Variants in ACOT11 observed in about 807,000 individuals in gnomAD.
The protein encoded by ACOT11 is acyl-CoA thioesterase 11.
In ACOT11, 69 loss-of-function variants were observed where a neutral mutation model predicts 77.5. The observed-to-expected ratio is 0.89, with a 90% CI of 0.73 to 1.09. The LOEUF is 1.09. ACOT11 is among the 50% of genes least tolerant of loss of function. The probability of loss-of-function intolerance (pLI) is 0.00; values close to 1 mark genes in which losing one functional copy is unlikely to be tolerated. For missense variants in ACOT11, 766 were observed against 813.7 expected, an observed-to-expected ratio of 0.94 and a Z score of 0.71; for synonymous variants, 279 against 313.0, an observed-to-expected ratio of 0.89 and a Z score of 1.15.
intron 1 of ACOT11, among the ~76,000 whole-genome samples, chr1:54,583,938 C>CG (rs1421316941): frequency 2.6e-5 from 4 of 152,120 alleles, no homozygotes; most frequent in African/African-American, 7.2e-5. Flanking sequence ...GACTGATGGG[C>CG]ACACCCCACC....
At chr1:54,599,581 C>CAAGAAGGGAAA in intron 8 of ACOT11, 166 bp downstream of exon 8, 1 of 849,716 alleles carries the variant, frequency 1.2e-6, no homozygotes, top group Non-Finnish European at 1.6e-6. Context: ...CTGATTTTCC[C>CAAGAAGGGAAA]TTCTTGGGAG....
In ACOT11 at chr1:54,609,251, C is replaced by G. The variant is rs201744943; in HGVS notation, c.*139C>G. 5.0e-6 allele frequency: 8 copies of G among 1,595,316 alleles called. No individual in the cohort carries two copies. The African/African-American group carries it at 8.1e-5, about 16-fold the overall frequency. Reference sequence around the variant, plus strand: ...AGCCTCCGCCCTGAGGTCCGCTGGCCCACCACCCCTGGGTGCTCAGTTTCT... The same window carrying G: ...AGCCTCCGCCCTGAGGTCCGCTGGCGCACCACCCCTGGGTGCTCAGTTTCT... On this transcript the variant is annotated 3_prime_UTR_variant, in exon 16 of 16. Coordinates refer to ENST00000343744, the MANE Select transcript of ACOT11 (RefSeq NM_147161.4).
chr1:54,575,566 G>A (rs551350484), intron 1 of ACOT11, among the ~76,000 whole-genome samples: 7 of 146,284 alleles, frequency 4.8e-5, no homozygotes, highest in South Asian at 2.1e-4. Flanking sequence ...AATTCGGAAC[G>A]CACTGAAAAA....
Position 54,609,354 on chromosome 1 carries a change from C to G in ACOT11, c.*242C>G. 6.2e-7 allele frequency: 1 copy of G among 1,614,184 alleles called. No individual in the cohort carries two copies. Among genetic ancestry groups the G allele is most frequent in the Non-Finnish European group, 8.5e-7 (1 of 1,180,034 alleles). On this transcript the variant is annotated 3_prime_UTR_variant, in exon 16 of 16. Coordinates refer to ENST00000343744, the MANE Select transcript of ACOT11 (RefSeq NM_147161.4). Reference sequence around the variant, plus strand: ...ACTCGGGTCCTGTCCACAGCCCTAGCTGCCAGCAATGCTGTCCTCACAGAG... The same window carrying G: ...ACTCGGGTCCTGTCCACAGCCCTAGGTGCCAGCAATGCTGTCCTCACAGAG...
intron 15 of ACOT11, among the ~76,000 whole-genome samples, chr1:54,618,667 C>T (rs955300718): frequency 1.3e-5 from 2 of 152,084 alleles, no homozygotes; most frequent in Middle Eastern, 3.2e-3. Flanking sequence ...AGCCCTGGTC[C>T]TCAGGAAGCC....
chr1:54,610,667 A>G (rs927224078), downstream of ACOT11: 7 of 1,467,802 alleles, frequency 4.8e-6, no homozygotes, highest in African/African-American at 1.4e-5. Flanking sequence ...TAAGCCTCAT[A>G]GCACCCTGCC....
intron 1 of ACOT11, among the ~76,000 whole-genome samples, chr1:54,579,292 G>A (rs1366417797): frequency 2.0e-5 from 3 of 152,068 alleles, no homozygotes; most frequent in Non-Finnish European, 4.4e-5. Flanking sequence ...GGCAGCATCT[G>A]GATTCCTAAC....
chr1:54,572,915 A>T (rs1653974726), intron 1 of ACOT11: 16 of 985,204 alleles, frequency 1.6e-5, no homozygotes, highest in Non-Finnish European at 1.8e-5. Context: ...GTTTCCTCCC[A>T]CTCTGAGAGC....
intron 16 of ACOT11, among the ~76,000 whole-genome samples, chr1:54,633,779 A>T (rs942026780): frequency 6.6e-6 from 1 of 152,250 alleles, no homozygotes; most frequent in South Asian, 2.1e-4. Context: ...CTATGCCAGG[A>T]GTAATCTGTT....
In ACOT11 at chr1:54,616,118, T is replaced by C. The variant is rs199649539; in HGVS notation, c.1629+8050T>C. 2.0e-5 allele frequency: 33 copies of C among 1,614,200 alleles called. No individual in the cohort carries two copies. In the African/African-American group the frequency reaches 3.5e-4, roughly 17 times the overall value. ...TGCCATGATGGGAACTCCTGTCTCA[T>C]TGGCTGTGCCGAGCCCTTCTACATT... On this transcript the variant is annotated intron_variant, in intron 15 of 16. Coordinates refer to the ACOT11 transcript ENST00000371316.
At chr1:54,601,647 GT>G (rs1439771621) in intron 9 of ACOT11, among the ~76,000 whole-genome samples, 1 of 152,240 alleles carries the variant, frequency 6.6e-6, no homozygotes, top group Non-Finnish European at 1.5e-5. Context: ...CTGGCTCGGA[GT>G]TGGGGGTTAA....
rs568473867 is a variant in ACOT11, at chr1:54,566,793, G to A, written c.34-17862G>A. Among the ~76,000 whole-genome samples the A allele has an allele frequency of 4.6e-5, 7 of 152,290 alleles. No homozygotes were observed. The South Asian group carries it at 1.0e-3, about 23-fold the overall frequency. Reference sequence around the variant, plus strand: ...TGGGACTGTCATTTGGAGCACCCACGTGTGGCCTCTTCAATATGACAGTCT... The same window carrying A: ...TGGGACTGTCATTTGGAGCACCCACATGTGGCCTCTTCAATATGACAGTCT... On this transcript the variant is annotated intron_variant, in intron 1 of 15. Coordinates refer to ENST00000343744, the MANE Select transcript of ACOT11 (RefSeq NM_147161.4).
downstream of ACOT11, chr1:54,611,102 TGTTTCTCTATAAAATGGAATCCCTCA>T (rs1447347173): frequency 7.2e-6 from 6 of 834,536 alleles, no homozygotes; most frequent in African/African-American, 7.4e-5. Flanking sequence ...TTTGAGCCGC[TGTTTCTCTATAAAATGGAATCCCTCA>T]GTTTCTCTAT....
At chr1:54,599,272 GT>G in intron 7 of ACOT11, 23 bp from the exon 8 acceptor site, 1 of 1,420,724 alleles carries the variant, frequency 7.0e-7, no homozygotes, top group Non-Finnish European at 9.3e-7. Context: ...CATTCCTTCT[GT>G]CTCCCCACCC....
downstream of ACOT11, chr1:54,610,653 TCTCTAAGC>T (rs1644108380): frequency 2.0e-6 from 3 of 1,502,312 alleles, no homozygotes; most frequent in Middle Eastern, 2.4e-4. Flanking sequence ...ACGGGCATCC[TCTCTAAGC>T]CTCATAGCAC....
intron 1 of ACOT11, among the ~76,000 whole-genome samples, chr1:54,570,496 T>C (rs1653894033): frequency 6.6e-6 from 1 of 152,222 alleles, no homozygotes; most frequent in South Asian, 2.1e-4. Flanking sequence ...AATGGTTTTC[T>C]GGGTCTTTCT....
chr1:54,609,088 G>A lies in ACOT11; in HGVS notation c.1761G>A (p.Leu587=). Residue 587 remains leucine, a synonymous_variant, in exon 16 of 16, where the codon CTG becomes CTA. Transcript: ENST00000343744. ...TTCTCTTGGACAACCGGAATGATCT[G>A]GCCCCCAGCCTCCAGACCCTCTAGA... is the stretch of plus-strand genomic sequence containing the variant. ...EQFLLDNRND[L]APSLQTL is the part of the protein sequence containing the mutation. 2 of 1,614,078 alleles carry A rather than the reference G, an allele frequency of 1.2e-6. No individual in the cohort carries two copies. Among genetic ancestry groups the A allele is most frequent in the East Asian group, 4.5e-5 (2 of 44,880 alleles).
Position 54,609,567 on chromosome 1 carries a change from TGCCCAGCACCTCCTCAG to T in ACOT11, c.*459_*475del, listed in dbSNP as rs1277802689. ...GTGAGCAGCTGTTCCCTGTAGCCAC[TGCCCAGCACCTCCTCAG>T]GCCAGCCTGGTGCCACAGTCACGTG... On this transcript the variant is annotated 3_prime_UTR_variant, in exon 16 of 16. Coordinates refer to ENST00000343744, the MANE Select transcript of ACOT11 (RefSeq NM_147161.4). The T allele has an allele frequency of 1.2e-6, 2 of 1,612,948 alleles. No individual in the cohort carries two copies. The highest frequency in any genetic ancestry group is 4.5e-5 in the East Asian group (2 of 44,880).
Position 54,609,319 on chromosome 1 carries a change from CCTGTAGTAGA to C in ACOT11, c.*210_*219del, listed in dbSNP as rs766597423. On this transcript the variant is annotated 3_prime_UTR_variant, in exon 16 of 16. Coordinates refer to ENST00000343744, the MANE Select transcript of ACOT11 (RefSeq NM_147161.4). ...AGTCCTTGTGGTAGCCCTGGGGTAGCCTGTAGTAGACTCGGGTCCTGTCCACAGCCCTAGC... is the reference window on the plus strand; with the variant it reads ...AGTCCTTGTGGTAGCCCTGGGGTAGCCTCGGGTCCTGTCCACAGCCCTAGC... 4 of 1,613,052 alleles carry C rather than the reference CCTGTAGTAGA, an allele frequency of 2.5e-6. No homozygotes were observed. In the African/African-American group the frequency reaches 4.0e-5, roughly 16 times the overall value.
Sources: allele counts gnomAD v4.1 joint callset (sites outside exome capture counted in the v4.1 genomes callset), GRCh38; gene constraint gnomAD v4.1.1; transcripts MANE v1.5; gene names NCBI Gene and HGNC (gene_info 2026-07-23, HGNC 2026-07-21).